The following DYTN variants were observed in gnomAD, a reference collection of about 807,000 sequenced individuals.
DYTN encodes the protein dystrotelin.
DYTN carries 75 observed loss-of-function variants against 69.6 expected under a neutral mutation model. The observed-to-expected ratio is 1.08, with a 90% CI of 0.89 to 1.31. DYTN has a LOEUF of 1.31. DYTN is among the 50% of genes most tolerant of loss of function. The pLI, the probability that DYTN is intolerant of heterozygous loss-of-function variation, is 0.00. For synonymous variants in DYTN, 252 were observed against 249.1 expected (o/e 1.01, Z -0.11); for missense variants, 726 against 688.4 (o/e 1.05, Z -0.61).
At chr2:206,705,740 T>C (rs1700018547) in intron 4 of DYTN, 48 bp downstream of exon 4, 1 of 1,575,178 alleles carries the variant, frequency 6.3e-7, no homozygotes, top group Non-Finnish European at 8.7e-7. Flanking sequence ...AGGTTGGGGA[T>C]TTGGGGCTCA....
intron 11 of DYTN, among the ~76,000 whole-genome samples, chr2:206,653,397 G>A (rs1488897642): frequency 6.6e-6 from 1 of 152,108 alleles, no homozygotes; most frequent in African/African-American, 2.4e-5. Flanking sequence ...TAAATGTAAG[G>A]ACTGAATTAA....
chr2:206,690,426 CA>C (rs1412345342), intron 9 of DYTN, among the ~76,000 whole-genome samples: 1 of 152,018 alleles, frequency 6.6e-6, no homozygotes, highest in Non-Finnish European at 1.5e-5. Context: ...GGGAAGGCCA[CA>C]AAAAAGTTTG....
chr2:206,685,319 G>A (rs995369172), intron 9 of DYTN, among the ~76,000 whole-genome samples: 3 of 151,616 alleles, frequency 2.0e-5, no homozygotes, highest in Non-Finnish European at 4.4e-5. Context: ...GCACCACCAC[G>A]CCCAGATAAT....
chr2:206,687,867 G>T (rs370875172), intron 9 of DYTN, among the ~76,000 whole-genome samples: 9 of 151,880 alleles, frequency 5.9e-5, no homozygotes, highest in African/African-American at 1.7e-4. Context: ...TATATTATTT[G>T]GTCATAGTAG....
chr2:206,667,108 A>C (rs1456549149), intron 9 of DYTN, among the ~76,000 whole-genome samples: 1 of 152,142 alleles, frequency 6.6e-6, no homozygotes, highest in Non-Finnish European at 1.5e-5. Flanking sequence ...AAGTCAAGCT[A>C]TGTTGCTCTT....
intron 9 of DYTN, among the ~76,000 whole-genome samples, chr2:206,666,801 G>T (rs888007181): frequency 6.7e-5 from 10 of 148,942 alleles, no homozygotes; most frequent in Admixed American, 2.0e-4. Context: ...CCAAGTTGGG[G>T]TATCCCTTGA....
intron 1 of DYTN, among the ~76,000 whole-genome samples, chr2:206,714,080 G>A (rs1004898899): frequency 2.0e-5 from 3 of 152,218 alleles, no homozygotes; most frequent in Admixed American, 1.3e-4. Context: ...TCTCGTTCTT[G>A]CAGCAAGGGG....
intron 9 of DYTN, among the ~76,000 whole-genome samples, chr2:206,684,953 G>A (rs2105894908): frequency 6.6e-6 from 1 of 152,252 alleles, no homozygotes; most frequent in Non-Finnish European, 1.5e-5. Context: ...AGATAAAGCA[G>A]TGCCTAAATC....
chr2:206,706,825 A>G (rs1373868324), intron 3 of DYTN, among the ~76,000 whole-genome samples: 1 of 151,944 alleles, frequency 6.6e-6, no homozygotes. Context: ...AGCATATGCA[A>G]TCAGCCCTTT....
intron 9 of DYTN, among the ~76,000 whole-genome samples, chr2:206,669,973 C>T (rs1169088611): frequency 6.6e-6 from 1 of 152,114 alleles, no homozygotes; most frequent in Non-Finnish European, 1.5e-5. Context: ...AAGGTCTTCC[C>T]TCAGGGGAAA....
chr2:206,709,391 G>A (rs566835254), intron 2 of DYTN, among the ~76,000 whole-genome samples: 84 of 152,272 alleles, frequency 5.5e-4, no homozygotes, highest in African/African-American at 1.9e-3. Flanking sequence ...AGAGGTTGCA[G>A]TGAGCTGAGA....
chr2:206,700,209 G>T lies in DYTN; in HGVS notation c.491C>A (p.Thr164Asn). ...KLLTDLQQIPTFVGESRALCP... is the reference protein window; with the variant it reads ...KLLTDLQQIPNFVGESRALCP... ...CAGAGCACGACTCTCTCCCACGAAA[G>T]TTGGGATCTGCAAGAGACAACCTCA... The change falls in exon 6 of 12, where the codon ACT (threonine) becomes AAT (asparagine). Residue 164 changes from threonine to asparagine, a missense_variant. Transcript: ENST00000452335. 1 of 1,613,888 alleles carries T rather than the reference G, an allele frequency of 6.2e-7. No homozygotes were observed. Among genetic ancestry groups the T allele is most frequent in the African/African-American group, 1.3e-5 (1 of 75,068 alleles).
At chr2:206,669,311 C>T (rs983310967) in intron 9 of DYTN, among the ~76,000 whole-genome samples, 1 of 152,200 alleles carries the variant, frequency 6.6e-6, no homozygotes, top group Admixed American at 6.5e-5. Flanking sequence ...AACTGCCTCA[C>T]TATTCCAGTC....
chr2:206,697,167 G>A (rs1158470247), intron 7 of DYTN, among the ~76,000 whole-genome samples: 1 of 152,142 alleles, frequency 6.6e-6, no homozygotes, highest in African/African-American at 2.4e-5. Flanking sequence ...ATAATATGCT[G>A]CTCTATCCTT....
chr2:206,680,944 A>T (rs553775059), intron 9 of DYTN, among the ~76,000 whole-genome samples: 24 of 152,334 alleles, frequency 1.6e-4, no homozygotes, highest in Admixed American at 6.5e-4. Context: ...TTTGATGGAA[A>T]TAGCTTTGAA....
intron 11 of DYTN, among the ~76,000 whole-genome samples, chr2:206,654,548 AC>A (rs1699425212): frequency 6.6e-6 from 1 of 152,180 alleles, no homozygotes; most frequent in Admixed American, 6.6e-5. Context: ...CTTCTGTTCA[AC>A]AGTAGGCTAT....
At chr2:206,692,921 C>T (rs1699879988) in intron 9 of DYTN, among the ~76,000 whole-genome samples, 1 of 151,900 alleles carries the variant, frequency 6.6e-6, no homozygotes, top group Non-Finnish European at 1.5e-5. Context: ...TCTTCTTTGT[C>T]TTTCTGATGG....
At chr2:206,673,655 A>G (rs1699651618) in intron 9 of DYTN, among the ~76,000 whole-genome samples, 1 of 152,266 alleles carries the variant, frequency 6.6e-6, no homozygotes, top group African/African-American at 2.4e-5. Context: ...AGTTATAATC[A>G]GAAGTCTTGG....
chr2:206,683,113 TG>T (rs1259058974), intron 9 of DYTN, among the ~76,000 whole-genome samples: 1 of 152,176 alleles, frequency 6.6e-6, no homozygotes. Context: ...AGTTAAAATT[TG>T]TAATAGAAAT....
Sources: allele counts gnomAD v4.1 joint callset (sites outside exome capture counted in the v4.1 genomes callset), GRCh38; gene constraint gnomAD v4.1.1; transcripts MANE v1.5; gene names NCBI Gene and HGNC (gene_info 2026-07-23, HGNC 2026-07-21).